ABCC8: variants seen among roughly 807,000 people sequenced by gnomAD.
The protein encoded by ABCC8 is ATP-binding cassette sub-family C member 8.
Under a neutral mutation model 188.0 loss-of-function variants are expected in ABCC8, and 137 were observed. The observed-to-expected ratio is 0.73, with a 90% confidence interval of 0.63 to 0.84. The LOEUF (loss-of-function observed/expected upper bound fraction) is 0.84. Ranked by LOEUF, ABCC8 falls within the 40% of genes least tolerant of loss-of-function variation. The pLI, the probability that ABCC8 is intolerant of heterozygous loss-of-function variation, is 0.00. For synonymous variants in ABCC8, 797 were observed against 846.5 expected, an observed-to-expected ratio of 0.94 and a Z score of 1.01; for missense variants, 1,750 against 2,072.7, an observed-to-expected ratio of 0.84 and a Z score of 3.02.
intron 11 of ABCC8, 58 bp from the exon 12 acceptor site, chr11:17,431,017 C>G (rs997479232): frequency 1.3e-6 from 2 of 1,597,334 alleles, no homozygotes; most frequent in African/African-American, 2.7e-5. Context: ...CCCTCCCACA[C>G]TGGAAACGCT....
chr11:17,430,630 A>G, intron 12 of ABCC8, 184 bp downstream of exon 12: 1 of 745,326 alleles, frequency 1.3e-6, no homozygotes, highest in South Asian at 1.5e-5. Flanking sequence ...TTGCTCAGGG[A>G]TGGCGAGCTG....
chr11:17,446,043 A>G (rs1284660663), intron 8 of ABCC8, among the ~76,000 whole-genome samples: 1 of 147,848 alleles, frequency 6.8e-6, no homozygotes, highest in African/African-American at 2.5e-5. Flanking sequence ...TCAGCTCACC[A>G]CAGTCTCCGC....
chr11:17,463,049 A>G (rs1230148715), intron 4 of ABCC8, among the ~76,000 whole-genome samples: 2 of 152,154 alleles, frequency 1.3e-5, no homozygotes, highest in Non-Finnish European at 2.9e-5. Flanking sequence ...AGCAAACAGA[A>G]AGGAAAACAA....
At position 17,406,602 on chromosome 11, in the gene ABCC8, T is replaced by G; in HGVS notation, c.3329+20A>C. On this transcript the variant is annotated intron_variant, in intron 26 of 38. Coordinates refer to ENST00000389817, the MANE Select transcript of ABCC8 (RefSeq NM_000352.6). ...CAGTGACTTGCTCACAGTCCCAGCC[T>G]GGCCAGGGGAGACGGGTACCTCATG... 1 of 1,607,732 alleles carries G rather than the reference T, an allele frequency of 6.2e-7. No homozygotes were observed.
intron 16 of ABCC8, among the ~76,000 whole-genome samples, chr11:17,423,835 C>T (rs894774915): frequency 3.3e-5 from 5 of 152,208 alleles, no homozygotes; most frequent in South Asian, 2.1e-4. Context: ...GGCTCTTGTG[C>T]CCCTTCTCTT....
intron 31 of ABCC8, 65 bp from the exon 32 acceptor site, chr11:17,397,378 T>C: frequency 6.2e-7 from 1 of 1,600,420 alleles, no homozygotes; most frequent in South Asian, 1.1e-5. Flanking sequence ...GCCACCAGAA[T>C]GGCTCTTCTT....
intron 10 of ABCC8, among the ~76,000 whole-genome samples, chr11:17,436,512 C>A (rs1251834490): frequency 6.6e-6 from 1 of 152,052 alleles, no homozygotes; most frequent in Non-Finnish European, 1.5e-5. Flanking sequence ...AACTCAGGCC[C>A]AAGGTGAGGT....
intron 4 of ABCC8, chr11:17,462,033 T>C (rs1957212899): frequency 1.9e-6 from 1 of 514,336 alleles, no homozygotes; most frequent in South Asian, 8.4e-5. Context: ...TAACTGCTCA[T>C]TGAGGTCGAC....
chr11:17,423,586 C>G (rs1000918084), intron 16 of ABCC8, among the ~76,000 whole-genome samples: 1 of 152,088 alleles, frequency 6.6e-6, no homozygotes, highest in African/African-American at 2.4e-5. Flanking sequence ...GGACCAGGAC[C>G]GGGCGAGAGA....
chr11:17,432,643 A>G (rs1955901905), intron 10 of ABCC8, among the ~76,000 whole-genome samples: 1 of 152,210 alleles, frequency 6.6e-6, no homozygotes, highest in Non-Finnish European at 1.5e-5. Flanking sequence ...CCCCCAAGCC[A>G]GGCTCTCTAT....
At chr11:17,410,744 CA>C in intron 21 of ABCC8, 91 bp from the exon 22 acceptor site, 2 of 1,565,996 alleles carry the variant, frequency 1.3e-6, no homozygotes, top group Non-Finnish European at 8.7e-7. Flanking sequence ...AGAGTTCTAT[CA>C]ACTCTGCTCT....
At chr11:17,396,002 G>C (rs958554093) in intron 33 of ABCC8, 72 bp from the exon 34 acceptor site, 25 of 1,547,914 alleles carry the variant, frequency 1.6e-5, no homozygotes, top group African/African-American at 1.2e-4. Context: ...GCTAGCTCTG[G>C]GTGTGTGTGC....
intron 16 of ABCC8, among the ~76,000 whole-genome samples, chr11:17,423,452 C>T (rs1245560623): frequency 6.6e-6 from 1 of 150,994 alleles, no homozygotes; most frequent in African/African-American, 2.4e-5. Context: ...AGGCGCTCAA[C>T]TGGGTGAGTG....
intron 2 of ABCC8, among the ~76,000 whole-genome samples, chr11:17,472,644 T>C (rs1292959844): frequency 6.6e-6 from 1 of 152,190 alleles, no homozygotes; most frequent in East Asian, 1.9e-4. Flanking sequence ...AAAGACCAGA[T>C]GACAATTACT....
chr11:17,407,495 T>C (rs756045856), intron 23 of ABCC8, 42 bp from the exon 24 acceptor site: 9 of 1,613,964 alleles, frequency 5.6e-6, no homozygotes, highest in Non-Finnish European at 7.6e-6. Flanking sequence ...TCAGGATATA[T>C]GGTTGGTGGG....
At chr11:17,470,914 G>A (rs1351349398) in intron 2 of ABCC8, among the ~76,000 whole-genome samples, 1 of 152,160 alleles carries the variant, frequency 6.6e-6, no homozygotes, top group Non-Finnish European at 1.5e-5. Flanking sequence ...TCTTCCCTGG[G>A]CCTGGTGAGG....
intron 10 of ABCC8, among the ~76,000 whole-genome samples, chr11:17,439,471 C>T (rs1298878726): frequency 4.6e-5 from 7 of 152,094 alleles, no homozygotes; most frequent in East Asian, 1.9e-4. Context: ...CATTACCTCA[C>T]GCCTAATGAC....
chr11:17,426,910 G>T, intron 16 of ABCC8, 139 bp downstream of exon 16: 1 of 954,092 alleles, frequency 1.0e-6, no homozygotes, highest in Non-Finnish European at 1.5e-6. Flanking sequence ...ATGATGATGA[G>T]AATATCCATT....
chr11:17,394,505 A>C (rs2133395834), intron 36 of ABCC8, 106 bp from the exon 37 acceptor site: 3 of 1,571,412 alleles, frequency 1.9e-6, no homozygotes, highest in Non-Finnish European at 2.6e-6. Context: ...GCATGGGGGC[A>C]AATAGGTGGG....
Sources: allele counts gnomAD v4.1 joint callset (sites outside exome capture counted in the v4.1 genomes callset), GRCh38; gene constraint gnomAD v4.1.1; transcripts MANE v1.5; gene names NCBI Gene and HGNC (gene_info 2026-07-23, HGNC 2026-07-21).